SPIDR: variants seen among roughly 807,000 people sequenced by gnomAD.
The protein encoded by SPIDR is scaffold protein involved in DNA repair, also known as DNA repair-scaffolding protein.
Under a neutral mutation model 104.6 loss-of-function variants are expected in SPIDR, and 93 were observed. The ratio of observed to expected loss-of-function variants is 0.89; its 90% CI spans 0.75 to 1.06. SPIDR has a LOEUF of 1.06. SPIDR is among the 50% of genes least tolerant of loss of function. The pLI, the probability that SPIDR is intolerant of heterozygous loss-of-function variation, is 0.00. For missense variants in SPIDR, 1,154 were observed against 1,111.2 expected (o/e 1.04, Z -0.55); for synonymous variants, 431 against 416.9 (o/e 1.03, Z -0.41).
chr8:47,595,025 A>G (rs911577624), intron 8 of SPIDR, among the ~76,000 whole-genome samples: 7 of 151,752 alleles, frequency 4.6e-5, no homozygotes, highest in African/African-American at 1.7e-4. Context: ...GAAAAAGAAA[A>G]CCCAGGAACT....
At chr8:47,729,202 AG>A in intron 18 of SPIDR, 155 bp downstream of exon 18, 2 of 1,505,052 alleles carry the variant, frequency 1.3e-6, no homozygotes, top group Non-Finnish European at 1.8e-6. Context: ...TCTAGGTCCT[AG>A]GAGCTTCCCT....
chr8:47,418,031 GTAGTA>G (rs1554676678), intron 7 of SPIDR, among the ~76,000 whole-genome samples: 2 of 152,178 alleles, frequency 1.3e-5, no homozygotes, highest in African/African-American at 4.8e-5. Flanking sequence ...CTGTAGCCTT[GTAGTA>G]TAGTTTGAAG....
chr8:47,267,038 A>G (rs1256861059), intron 1 of SPIDR, among the ~76,000 whole-genome samples: 3 of 152,178 alleles, frequency 2.0e-5, no homozygotes, highest in Admixed American at 1.3e-4. Flanking sequence ...AGGTTTATAC[A>G]TGTTGTTGCA....
intron 8 of SPIDR, among the ~76,000 whole-genome samples, chr8:47,536,554 C>G (rs2086950874): frequency 6.6e-6 from 1 of 152,030 alleles, no homozygotes; most frequent in Non-Finnish European, 1.5e-5. Flanking sequence ...TGCTGGAACA[C>G]CTGAACATCT....
At chr8:47,709,486 G>C (rs935557908) in intron 14 of SPIDR, among the ~76,000 whole-genome samples, 1 of 152,142 alleles carries the variant, frequency 6.6e-6, no homozygotes, top group African/African-American at 2.4e-5. Flanking sequence ...ATGTTGGCCA[G>C]GCTAGTCTCG....
intron 8 of SPIDR, among the ~76,000 whole-genome samples, chr8:47,446,367 G>A (rs2154346212): frequency 6.6e-6 from 1 of 152,182 alleles, no homozygotes; most frequent in Middle Eastern, 3.4e-3. Context: ...AATACTTTAA[G>A]CCAAACTTTT....
intron 14 of SPIDR, among the ~76,000 whole-genome samples, chr8:47,702,406 A>G (rs2080426148): frequency 1.3e-5 from 2 of 152,104 alleles, no homozygotes; most frequent in African/African-American, 4.8e-5. Context: ...AGATGGAGAA[A>G]CCTCATTTAT....
At chr8:47,300,370 C>CT (rs1424352609) in intron 5 of SPIDR, among the ~76,000 whole-genome samples, 4 of 152,124 alleles carry the variant, frequency 2.6e-5, no homozygotes, top group Admixed American at 6.6e-5. Context: ...TGCTAGCAGT[C>CT]TATCAGTTTT....
intron 8 of SPIDR, among the ~76,000 whole-genome samples, chr8:47,449,035 G>C (rs1027069552): frequency 6.6e-6 from 1 of 152,102 alleles, no homozygotes; most frequent in Non-Finnish European, 1.5e-5. Flanking sequence ...GAGGATGACT[G>C]GGGGTGGAAG....
intron 8 of SPIDR, among the ~76,000 whole-genome samples, chr8:47,526,696 A>C (rs966549587): frequency 2.0e-5 from 3 of 152,184 alleles, no homozygotes; most frequent in African/African-American, 7.2e-5. Context: ...CAGTGTTTAA[A>C]TAGGTCAAAA....
intron 8 of SPIDR, among the ~76,000 whole-genome samples, chr8:47,508,530 G>A (rs571493291): frequency 2.0e-5 from 3 of 152,182 alleles, no homozygotes; most frequent in Non-Finnish European, 4.4e-5. Flanking sequence ...TTTGACAGTG[G>A]CATTAATTTT....
rs750110132 is a variant in SPIDR at position 47,701,872 on chromosome 8, CT to C, written c.1917+11del. On this transcript the variant is annotated intron_variant, in intron 13 of 19. Transcript: ENST00000297423. Reference sequence around the variant, plus strand: ...TTAAGAGACATTCTCCAGGTAATGTCTTTGTTTCTAACAGGTTTTTTAGGTA... The same window carrying C: ...TTAAGAGACATTCTCCAGGTAATGTCTTGTTTCTAACAGGTTTTTTAGGTA... The C allele has an allele frequency of 6.2e-7, 1 of 1,614,118 alleles. No homozygotes were observed. The highest frequency in any genetic ancestry group is 1.1e-5 in the South Asian group (1 of 91,078).
At chr8:47,275,055 C>T (rs1427926552) in intron 1 of SPIDR, among the ~76,000 whole-genome samples, 9 of 151,108 alleles carry the variant, frequency 6.0e-5, no homozygotes, top group African/African-American at 1.5e-4. Context: ...GTCAGGAGAT[C>T]GAGACCATCC....
At chr8:47,666,468 A>G (rs1433510626) in intron 10 of SPIDR, among the ~76,000 whole-genome samples, 1 of 152,202 alleles carries the variant, frequency 6.6e-6, no homozygotes, top group Non-Finnish European at 1.5e-5. Flanking sequence ...ACTTTTATAA[A>G]TTTAAAGAGA....
intron 8 of SPIDR, among the ~76,000 whole-genome samples, chr8:47,565,242 G>C (rs192016670): frequency 1.3e-5 from 2 of 152,164 alleles, no homozygotes; most frequent in South Asian, 4.1e-4. Context: ...GTGAAATTCC[G>C]TCTCAAAAAG....
chr8:47,502,563 T>G (rs1355328402), intron 8 of SPIDR, among the ~76,000 whole-genome samples: 2 of 152,194 alleles, frequency 1.3e-5, no homozygotes, highest in African/African-American at 4.8e-5. Context: ...AGTCTATGAA[T>G]TTTGTTGATC....
intron 8 of SPIDR, 34 bp downstream of exon 8, chr8:47,440,576 A>G (rs2069218714): frequency 1.3e-6 from 2 of 1,572,046 alleles, no homozygotes; most frequent in African/African-American, 1.4e-5. Context: ...GCAGTCACCA[A>G]CTGTGAGTCA....
chr8:47,473,320 C>G (rs782069177), intron 8 of SPIDR, among the ~76,000 whole-genome samples: 2 of 152,074 alleles, frequency 1.3e-5, no homozygotes. Flanking sequence ...AGCTTGTTTT[C>G]TTTTTTCAAC....
intron 1 of SPIDR, among the ~76,000 whole-genome samples, chr8:47,271,491 G>T (rs1202130780): frequency 6.6e-6 from 1 of 152,000 alleles, no homozygotes; most frequent in Non-Finnish European, 1.5e-5. Flanking sequence ...CAAATCTGCT[G>T]TTGAGCTCCT....
Sources: gnomAD v4.1 joint callset for allele counts (sites outside exome capture counted in the v4.1 genomes callset) on GRCh38, gnomAD v4.1.1 for gene constraint, MANE v1.5 for transcripts, NCBI Gene and HGNC (gene_info 2026-07-23, HGNC 2026-07-21) for gene names.